The following CDH13 variants were observed in gnomAD, a reference collection of about 807,000 sequenced individuals.
CDH13 encodes the protein cadherin 13.
CDH13 carries 24 observed loss-of-function variants against 63.8 expected under a neutral mutation model. The observed-to-expected ratio is 0.38, with a 90% CI of 0.27 to 0.53. CDH13 has a LOEUF of 0.53. Ranked by LOEUF, CDH13 falls within the 20% of genes least tolerant of loss-of-function variation. The pLI, the probability that CDH13 is intolerant of heterozygous loss-of-function variation, is 0.85. For missense variants in CDH13, 1,049 were observed against 903.1 expected (o/e 1.16, Z -2.07); for synonymous variants, 503 against 355.3 (o/e 1.42, Z -4.67).
intron 9 of CDH13, among the ~76,000 whole-genome samples, chr16:83,671,309 T>C (rs1251160567): frequency 6.6e-6 from 1 of 152,184 alleles, no homozygotes; most frequent in Non-Finnish European, 1.5e-5. Context: ...GGTGCAGTGG[T>C]GTGATCTCAG....
intron 3 of CDH13, among the ~76,000 whole-genome samples, chr16:83,043,836 A>G (rs1448825378): frequency 6.6e-6 from 1 of 152,146 alleles, no homozygotes; most frequent in East Asian, 1.9e-4. Context: ...ATCTCAAAAA[A>G]AAAAAAAAAT....
chr16:82,966,694 A>G (rs965951318), intron 2 of CDH13, among the ~76,000 whole-genome samples: 1 of 152,216 alleles, frequency 6.6e-6, no homozygotes, highest in African/African-American at 2.4e-5. Context: ...TTATATTTTT[A>G]GTTCAAATTT....
intron 5 of CDH13, among the ~76,000 whole-genome samples, chr16:83,260,184 G>A (rs1212967153): frequency 2.6e-5 from 4 of 150,968 alleles, no homozygotes; most frequent in African/African-American, 9.8e-5. Context: ...CTTAGTCTAT[G>A]TGGTGCTTTG....
chr16:82,668,477 C>G (rs1384853335), intron 1 of CDH13, among the ~76,000 whole-genome samples: 1 of 152,138 alleles, frequency 6.6e-6, no homozygotes, highest in Non-Finnish European at 1.5e-5. Flanking sequence ...TAATATTACC[C>G]CAAAGCTACA....
chr16:83,720,841 G>T (rs1289503011), intron 10 of CDH13, among the ~76,000 whole-genome samples: 1 of 152,172 alleles, frequency 6.6e-6, no homozygotes, highest in Non-Finnish European at 1.5e-5. Flanking sequence ...CTTCTTTCAA[G>T]CAAGGTCCTG....
At chr16:82,996,505 T>C (rs1912219593) in intron 2 of CDH13, among the ~76,000 whole-genome samples, 1 of 152,208 alleles carries the variant, frequency 6.6e-6, no homozygotes, top group Non-Finnish European at 1.5e-5. Flanking sequence ...GTGTGATTTC[T>C]TGACAAGCAC....
At chr16:83,547,714 GTTTGCTTCCATGTCT>G (rs1466870492) in intron 7 of CDH13, among the ~76,000 whole-genome samples, 1 of 152,176 alleles carries the variant, frequency 6.6e-6, no homozygotes, top group Non-Finnish European at 1.5e-5. Context: ...TGGGCATTTA[GTTTGCTTCCATGTCT>G]TTGCTATAGT....
At chr16:83,468,766 AATTTT>A (rs1448826506) in intron 6 of CDH13, among the ~76,000 whole-genome samples, 3 of 152,204 alleles carry the variant, frequency 2.0e-5, no homozygotes, top group African/African-American at 4.8e-5. Flanking sequence ...AAGTTTTTAA[AATTTT>A]ATTTTAAGTT....
intron 2 of CDH13, among the ~76,000 whole-genome samples, chr16:82,980,178 A>C (rs908251849): frequency 6.6e-6 from 1 of 152,144 alleles, no homozygotes; most frequent in Non-Finnish European, 1.5e-5. Flanking sequence ...GCAGAAGGCC[A>C]CCTGACGTGT....
intron 5 of CDH13, among the ~76,000 whole-genome samples, chr16:83,258,637 T>C (rs1202528009): frequency 1.3e-5 from 2 of 152,186 alleles, no homozygotes; most frequent in Non-Finnish European, 2.9e-5. Flanking sequence ...CCAGGGACAA[T>C]TAACAGAGAC....
chr16:83,493,328 G>C (rs769015733), intron 7 of CDH13, among the ~76,000 whole-genome samples: 1 of 152,196 alleles, frequency 6.6e-6, no homozygotes, highest in Non-Finnish European at 1.5e-5. Context: ...TAAATTGAAT[G>C]AAAGACAGAG....
intron 5 of CDH13, among the ~76,000 whole-genome samples, chr16:83,230,709 C>T (rs1351895701): frequency 6.6e-6 from 1 of 152,138 alleles, no homozygotes; most frequent in African/African-American, 2.4e-5. Context: ...ATCGTTTGAA[C>T]CCAGGAGGTG....
At chr16:83,519,325 A>C (rs1022153162) in intron 7 of CDH13, among the ~76,000 whole-genome samples, 1 of 152,194 alleles carries the variant, frequency 6.6e-6, no homozygotes, top group African/African-American at 2.4e-5. Context: ...GGAAAACTGC[A>C]ACATATGAAC....
At chr16:83,207,169 C>G (rs963112376) in intron 4 of CDH13, among the ~76,000 whole-genome samples, 1 of 152,106 alleles carries the variant, frequency 6.6e-6, no homozygotes, top group Non-Finnish European at 1.5e-5. Flanking sequence ...ATTGTGCAAC[C>G]ATCATCCCCA....
At chr16:83,559,314 G>C (rs1053555177) in intron 7 of CDH13, among the ~76,000 whole-genome samples, 1 of 152,210 alleles carries the variant, frequency 6.6e-6, no homozygotes, top group Non-Finnish European at 1.5e-5. Context: ...GTTCACACCT[G>C]TAATCCCAAC....
intron 10 of CDH13, among the ~76,000 whole-genome samples, chr16:83,736,841 C>T (rs537154620): frequency 2.0e-5 from 3 of 152,312 alleles, no homozygotes; most frequent in East Asian, 3.9e-4. Flanking sequence ...TTAATGGCCT[C>T]GAACAAGACG....
intron 7 of CDH13, among the ~76,000 whole-genome samples, chr16:83,518,474 G>A (rs1473419447): frequency 7.8e-6 from 1 of 128,746 alleles, no homozygotes; most frequent in Non-Finnish European, 1.6e-5. Context: ...TTTGTTTTTT[G>A]TTTTTTGTTT....
intron 8 of CDH13, among the ~76,000 whole-genome samples, chr16:83,623,129 G>T (rs1217909637): frequency 6.6e-6 from 1 of 152,148 alleles, no homozygotes; most frequent in East Asian, 1.9e-4. Flanking sequence ...CACAATCCAG[G>T]AAGAGCAAAC....
intron 1 of CDH13, among the ~76,000 whole-genome samples, chr16:82,788,215 C>T (rs1175909427): frequency 2.0e-5 from 3 of 152,170 alleles, no homozygotes; most frequent in African/African-American, 4.8e-5. Context: ...GTCCTCTGCA[C>T]AGGCGTTGTA....
Sources: allele counts gnomAD v4.1 joint callset (sites outside exome capture counted in the v4.1 genomes callset), GRCh38; gene constraint gnomAD v4.1.1; transcripts MANE v1.5; gene names NCBI Gene and HGNC (gene_info 2026-07-23, HGNC 2026-07-21).